Variants in PDE12 observed in about 807,000 individuals in gnomAD.
PDE12 encodes 2',5'-phosphodiesterase 12.
A neutral mutation model predicts 45.4 loss-of-function variants in PDE12; 26 were observed. The ratio of observed to expected loss-of-function variants is 0.57; its 90% confidence interval spans 0.42 to 0.79. The LOEUF is 0.79. PDE12 is among the 30% of genes least tolerant of loss of function. PDE12 has a pLI of 0.00. For missense variants in PDE12, 668 were observed against 790.0 expected, an observed-to-expected ratio of 0.85 and a Z score of 1.85; for synonymous variants, 283 against 323.9, an observed-to-expected ratio of 0.87 and a Z score of 1.36.
the PDE12 span, chr3:57,583,949 A>G: frequency 6.2e-7 from 1 of 1,612,780 alleles, no homozygotes; most frequent in Non-Finnish European, 8.5e-7. Context: ...TATCTTGACC[A>G]CCAACATCCC....
chr3:57,640,206 T>C, the PDE12 span, among the ~76,000 whole-genome samples: 2 of 148,924 alleles, frequency 1.3e-5, no homozygotes, highest in African/African-American at 5.0e-5. Context: ...GAAGCAGAGA[T>C]TGCAGTGAGC....
the PDE12 span, chr3:57,597,347 C>G: frequency 4.1e-6 from 2 of 491,458 alleles, no homozygotes; most frequent in Non-Finnish European, 7.4e-6. Flanking sequence ...AGGCGACTGG[C>G]GCGGCAGCTC....
chr3:57,596,989 A>G, the PDE12 span: 6 of 1,285,208 alleles, frequency 4.7e-6, no homozygotes, highest in South Asian at 7.8e-5. Context: ...CAGCGGGCGG[A>G]GGAAAAAAAC....
the PDE12 span, among the ~76,000 whole-genome samples, chr3:57,624,286 G>A: frequency 2.6e-5 from 4 of 151,948 alleles, no homozygotes; most frequent in Non-Finnish European, 5.9e-5. Flanking sequence ...CAGTAGCTAC[G>A]AATACAGGCG....
the PDE12 span, among the ~76,000 whole-genome samples, chr3:57,634,047 A>G: frequency 6.6e-6 from 1 of 152,248 alleles, no homozygotes; most frequent in East Asian, 1.9e-4. Context: ...AAGTTTCTAG[A>G]AAGACTGACA....
At chr3:57,558,736 C>T (rs1055080957) in intron 1 of PDE12, among the ~76,000 whole-genome samples, 12 of 149,902 alleles carry the variant, frequency 8.0e-5, no homozygotes, top group African/African-American at 2.5e-4. Context: ...GTGATCCGCC[C>T]GCCTCAGCCT....
At chr3:57,590,133 A>AAAAC in the PDE12 span, among the ~76,000 whole-genome samples, 3 of 139,608 alleles carry the variant, frequency 2.1e-5, no homozygotes, top group African/African-American at 5.2e-5. Flanking sequence ...ATAAATAAAT[A>AAAAC]AAACAAAAAA....
intron 1 of PDE12, among the ~76,000 whole-genome samples, chr3:57,558,488 C>CTATTATTAT (rs10662542): frequency 0.013 from 1,944 of 151,260 alleles, 47 homozygotes; most frequent in African/African-American, 0.044. Context: ...ATATATTGGA[C>CTATTATTAT]TATTATTATT....
chr3:57,575,761 A>C, the PDE12 span: 2 of 1,354,824 alleles, frequency 1.5e-6, no homozygotes, highest in Non-Finnish European at 2.0e-6. Flanking sequence ...CTCAGCATTA[A>C]ATACATTATT....
chr3:57,654,313 G>A, the PDE12 span, among the ~76,000 whole-genome samples: 3 of 152,060 alleles, frequency 2.0e-5, no homozygotes, highest in Non-Finnish European at 4.4e-5. Flanking sequence ...GATATAGTAT[G>A]TTATTATAAT....
chr3:57,628,489 G>A, the PDE12 span: 3 of 1,192,242 alleles, frequency 2.5e-6, no homozygotes, highest in African/African-American at 1.5e-5. Flanking sequence ...AAAAAAGCAA[G>A]GAGCATTCTA....
the PDE12 span, among the ~76,000 whole-genome samples, chr3:57,618,041 C>T: frequency 6.6e-6 from 1 of 152,066 alleles, no homozygotes; most frequent in Non-Finnish European, 1.5e-5. Flanking sequence ...AACAGAAAAC[C>T]AAATACTGCA....
the PDE12 span, among the ~76,000 whole-genome samples, chr3:57,621,466 T>TG: frequency 6.6e-6 from 1 of 151,752 alleles, no homozygotes; most frequent in Non-Finnish European, 1.5e-5. Flanking sequence ...GGTCAGGAGT[T>TG]GGAGACCAGC....
At chr3:57,651,134 C>A in the PDE12 span, among the ~76,000 whole-genome samples, 1 of 152,162 alleles carries the variant, frequency 6.6e-6, no homozygotes, top group South Asian at 2.1e-4. Context: ...TACAGACAGT[C>A]CCCATGTTAC....
chr3:57,597,260 G>C, the PDE12 span: 1 of 984,994 alleles, frequency 1.0e-6, no homozygotes. Flanking sequence ...GAGGAAGAAA[G>C]AGGGAGGCAG....
the PDE12 span, among the ~76,000 whole-genome samples, chr3:57,585,253 C>A: frequency 8.5e-4 from 129 of 152,236 alleles, no homozygotes; most frequent in African/African-American, 3.0e-3. Context: ...AAAATATTTT[C>A]TCTTATTTAC....
In PDE12 at chr3:57,556,888, C is replaced by G. The variant is rs749210973; in HGVS notation, c.509C>G (p.Pro170Arg). Residue 170 changes from proline (P) to arginine (R), a missense_variant, in exon 1 of 3, where the codon CCG becomes CGG. Physicochemically the swap from Pro to Arg is moderately radical, Grantham distance 103. This residue lies in a region of PDE12 where 580 missense variants were observed against 662.9 expected (regional missense o/e 0.87). Coordinates refer to ENST00000311180, the MANE Select transcript of PDE12 (RefSeq NM_177966.7). The surrounding 1 kb of genome is among the most constrained non-coding windows in gnomAD (Gnocchi z 5.0). ...NPPAFTELQL[P>R]RYIMAGFPVC... is the part of the protein sequence containing the mutation. ...CCCGCCTTCACCGAACTGCAGTTGC[C>G]GCGCTACATCATGGCCGGGTTCCCT... 7.4e-6 allele frequency: 12 copies of G among 1,614,138 alleles called. No homozygotes were observed. The highest frequency in any genetic ancestry group is 9.3e-6 in the Non-Finnish European group (11 of 1,180,036).
chr3:57,629,444 T>C, the PDE12 span, among the ~76,000 whole-genome samples: 3 of 151,928 alleles, frequency 2.0e-5, no homozygotes, highest in African/African-American at 7.2e-5. Flanking sequence ...TTCCTTTTAT[T>C]TTCACAAGTA....
downstream of PDE12, chr3:57,566,991 C>T (rs1020988141): frequency 4.6e-5 from 7 of 152,120 alleles, no homozygotes; most frequent in Non-Finnish European, 7.3e-5. Flanking sequence ...AGCTGTCCAA[C>T]ACCAAGTACT....
Sources: allele counts gnomAD v4.1 joint callset (sites outside exome capture counted in the v4.1 genomes callset), GRCh38; gene constraint gnomAD v4.1.1; regional missense constraint gnomAD v4.1.1; non-coding constraint Gnocchi (gnomAD v3.1); transcripts MANE v1.5; gene names NCBI Gene and HGNC (gene_info 2026-07-23, HGNC 2026-07-21).